The following DKK2 variants were observed in gnomAD, a reference collection of about 807,000 sequenced individuals.
DKK2 encodes dickkopf Wnt signaling pathway inhibitor 2, also known as dickkopf-related protein 2.
DKK2 carries 11 observed loss-of-function variants against 28.1 expected under a neutral mutation model. The ratio of observed to expected loss-of-function variants is 0.39; its 90% CI spans 0.25 to 0.65. The LOEUF (loss-of-function observed/expected upper bound fraction) is 0.65, where lower values mean the gene tolerates loss of function less well. Among genes scored for constraint, DKK2 ranks in the 30% least tolerant of loss-of-function variants. The probability of loss-of-function intolerance (pLI) is 0.47; values close to 1 mark genes in which losing one functional copy is unlikely to be tolerated. For missense variants in DKK2, 326 were observed against 335.5 expected (o/e 0.97, Z 0.22); for synonymous variants, 135 against 126.5 (o/e 1.07, Z -0.45).
At chr4:106,994,648 G>GT (rs1284581879) in intron 1 of DKK2, among the ~76,000 whole-genome samples, 1 of 152,140 alleles carries the variant, frequency 6.6e-6, no homozygotes. Context: ...CTCTTTTTCT[G>GT]TTTTACAATT....
intron 1 of DKK2, among the ~76,000 whole-genome samples, chr4:106,984,466 C>T (rs1052070012): frequency 8.5e-5 from 13 of 152,166 alleles, no homozygotes; most frequent in African/African-American, 2.4e-4. Context: ...TGGTTTATTT[C>T]GCTCAGCATA....
At chr4:106,934,093 A>G (rs931963552) in intron 1 of DKK2, among the ~76,000 whole-genome samples, 1 of 151,698 alleles carries the variant, frequency 6.6e-6, no homozygotes, top group African/African-American at 2.4e-5. Context: ...ACACATATGT[A>G]TGTATAAAAT....
chr4:107,008,027 A>C (rs1391102145), intron 1 of DKK2, among the ~76,000 whole-genome samples: 2 of 152,066 alleles, frequency 1.3e-5, no homozygotes, highest in Admixed American at 6.6e-5. Flanking sequence ...TGTTTGATTC[A>C]ATGCCATTGC....
intron 1 of DKK2, among the ~76,000 whole-genome samples, chr4:107,015,326 A>T (rs767790981): frequency 6.6e-6 from 1 of 151,560 alleles, no homozygotes; most frequent in Non-Finnish European, 1.5e-5. Flanking sequence ...ACCTATACAA[A>T]TACTTATTAG....
chr4:106,970,389 G>A (rs753793870), intron 1 of DKK2, among the ~76,000 whole-genome samples: 14 of 152,034 alleles, frequency 9.2e-5, no homozygotes, highest in Non-Finnish European at 1.8e-4. Flanking sequence ...ATGGTGAGAT[G>A]AAATGTCACT....
rs116340066 is a variant in DKK2 at position 107,020,404 on chromosome 4, G to A, written c.222+14966C>T. ...TGGGAAGACAGCAGCAGAGCAGCAG[G>A]GCAAATAGGCAAACAAGAAATTTAC... is the stretch of plus-strand genomic sequence containing the variant. On this transcript the variant is annotated intron_variant, in intron 1 of 3. Coordinates refer to ENST00000285311, the MANE Select transcript of DKK2 (RefSeq NM_014421.3). Among the ~76,000 whole-genome samples, 351 of 152,084 alleles carry A rather than the reference G, an allele frequency of 2.3e-3. 4 individuals are homozygous for A. Among genetic ancestry groups the A allele is most frequent in the Admixed American group, 0.011 (173 of 15,254 alleles).
chr4:107,025,189 C>A (rs1723755629), intron 1 of DKK2, among the ~76,000 whole-genome samples: 1 of 152,164 alleles, frequency 6.6e-6, no homozygotes, highest in Admixed American at 6.5e-5. Context: ...GCACCCCTCA[C>A]TGGAGCTGAT....
intron 1 of DKK2, among the ~76,000 whole-genome samples, chr4:106,930,174 A>G (rs746476705): frequency 3.9e-5 from 6 of 152,202 alleles, no homozygotes; most frequent in East Asian, 1.9e-4. Context: ...TTTAAACTCA[A>G]TGTAAATCAG....
chr4:106,951,178 A>G (rs946608044), intron 1 of DKK2, among the ~76,000 whole-genome samples: 1 of 152,172 alleles, frequency 6.6e-6, no homozygotes, highest in Non-Finnish European at 1.5e-5. Context: ...ATATAGATAC[A>G]CATATAAAAT....
At chr4:106,927,794 T>C (rs759032572) in intron 1 of DKK2, among the ~76,000 whole-genome samples, 1 of 152,216 alleles carries the variant, frequency 6.6e-6, no homozygotes, top group Non-Finnish European at 1.5e-5. Context: ...CTGATTCATT[T>C]ACATTTATTT....
intron 1 of DKK2, among the ~76,000 whole-genome samples, chr4:107,031,578 G>A (rs931887116): frequency 1.3e-5 from 2 of 151,948 alleles, no homozygotes; most frequent in African/African-American, 2.4e-5. Flanking sequence ...ATCTGAATTT[G>A]TGTTAAACCA....
At chr4:106,946,734 G>C (rs1022049261) in intron 1 of DKK2, among the ~76,000 whole-genome samples, 2 of 151,824 alleles carry the variant, frequency 1.3e-5, no homozygotes, top group African/African-American at 4.8e-5. Context: ...TTGTTACAAG[G>C]CTGAACAGAC....
At chr4:106,936,117 A>T (rs1724583661) in intron 1 of DKK2, among the ~76,000 whole-genome samples, 5 of 152,200 alleles carry the variant, frequency 3.3e-5, no homozygotes, top group Admixed American at 3.3e-4. Flanking sequence ...CTGGATGGAG[A>T]ATGACTTTGA....
At chr4:106,924,229 G>A (rs367938216) in intron 3 of DKK2, 25 bp from the exon 4 acceptor site, 1 of 1,608,724 alleles carries the variant, frequency 6.2e-7, no homozygotes, top group Non-Finnish European at 8.5e-7. Context: ...ACCAATAGAT[G>A]TTACCCTGAC....
At chr4:106,963,047 C>T (rs924167174) in intron 1 of DKK2, among the ~76,000 whole-genome samples, 8 of 143,970 alleles carry the variant, frequency 5.6e-5, no homozygotes, top group Non-Finnish European at 4.6e-5. Context: ...GCAATATGAA[C>T]GAAACTGCGT....
chr4:106,949,314 G>A lies in DKK2; in HGVS notation c.223-23365C>T, dbSNP rs1461170572. ...TGCAACACCAGGAAACTATTTTCCAGTGAAGGGTGTGTGTTACAAACACCT... is the reference window on the plus strand; with the variant it reads ...TGCAACACCAGGAAACTATTTTCCAATGAAGGGTGTGTGTTACAAACACCT... On this transcript the variant is annotated intron_variant, in intron 1 of 3. Transcript: ENST00000285311. 2.0e-5 allele frequency among the ~76,000 whole-genome samples: 3 copies of A among 152,180 alleles called. No homozygotes were observed. In the East Asian group the frequency reaches 5.8e-4, roughly 29 times the overall value.
intron 1 of DKK2, among the ~76,000 whole-genome samples, chr4:107,006,108 A>G (rs929570025): frequency 1.3e-5 from 2 of 152,238 alleles, no homozygotes; most frequent in Non-Finnish European, 2.9e-5. Flanking sequence ...ACTAAAAACC[A>G]AAGGTCTAGA....
At chr4:106,940,220 G>A (rs1222926116) in intron 1 of DKK2, among the ~76,000 whole-genome samples, 1 of 152,014 alleles carries the variant, frequency 6.6e-6, no homozygotes, top group Non-Finnish European at 1.5e-5. Context: ...TCTGACAAAG[G>A]GCTAATATCC....
intron 1 of DKK2, among the ~76,000 whole-genome samples, chr4:107,001,083 A>G (rs1289397475): frequency 3.3e-5 from 5 of 152,108 alleles, no homozygotes; most frequent in African/African-American, 1.2e-4. Flanking sequence ...ACAAAAACCA[A>G]AAGGGGGAAA....
Sources: gnomAD v4.1 joint callset for allele counts (sites outside exome capture counted in the v4.1 genomes callset) on GRCh38, gnomAD v4.1.1 for gene constraint, MANE v1.5 for transcripts, NCBI Gene and HGNC (gene_info 2026-07-23, HGNC 2026-07-21) for gene names.